CMSS1: variants seen among roughly 807,000 people sequenced by gnomAD.
The protein encoded by CMSS1 is protein CMSS1.
A neutral mutation model predicts 43.5 loss-of-function variants in CMSS1; 33 were observed. The observed-to-expected ratio is 0.76, with a 90% CI of 0.57 to 1.01. The LOEUF (loss-of-function observed/expected upper bound fraction) is 1.01. Among genes scored for constraint, CMSS1 ranks in the 50% least tolerant of loss-of-function variants. The pLI is 0.00. For missense variants in CMSS1, 313 were observed against 326.4 expected (o/e 0.96, Z 0.32); for synonymous variants, 115 against 117.2 (o/e 0.98, Z 0.12).
chr3:99,996,506 T>C (rs1015091368), intron 1 of CMSS1, among the ~76,000 whole-genome samples: 6 of 152,174 alleles, frequency 3.9e-5, no homozygotes, highest in Non-Finnish European at 8.8e-5. Context: ...CATTTTCGGG[T>C]ATCTTTTCAG....
intron 8 of CMSS1, among the ~76,000 whole-genome samples, chr3:100,174,429 C>T (rs944496693): frequency 1.3e-5 from 2 of 151,636 alleles, no homozygotes; most frequent in South Asian, 4.2e-4. Context: ...AGAGAAAAAG[C>T]AAAGCTATCC....
intron 1 of CMSS1, among the ~76,000 whole-genome samples, chr3:99,936,147 A>G (rs1317613405): frequency 6.6e-6 from 1 of 152,094 alleles, no homozygotes; most frequent in Non-Finnish European, 1.5e-5. Context: ...TTTTGCTTGT[A>G]TCAAGTAAGT....
At chr3:99,942,778 G>A (rs1019781292) in intron 1 of CMSS1, among the ~76,000 whole-genome samples, 3 of 151,728 alleles carry the variant, frequency 2.0e-5, no homozygotes, top group Admixed American at 6.6e-5. Flanking sequence ...GCAGTGAGCC[G>A]ACACAGTGCC....
chr3:99,996,264 CT>C (rs1709677544), intron 1 of CMSS1, among the ~76,000 whole-genome samples: 2 of 152,204 alleles, frequency 1.3e-5, no homozygotes, highest in Non-Finnish European at 2.9e-5. Context: ...CTGCCAATCT[CT>C]TTGCTAAAAC....
intron 1 of CMSS1, among the ~76,000 whole-genome samples, chr3:99,852,047 TTTC>T (rs1943722811): frequency 6.6e-6 from 1 of 152,220 alleles, no homozygotes; most frequent in South Asian, 2.1e-4. Context: ...GACATGCTAT[TTTC>T]TTCTTTTATG....
intron 6 of CMSS1, 140 bp downstream of exon 6, chr3:100,167,980 G>A: frequency 7.5e-6 from 4 of 533,634 alleles, no homozygotes; most frequent in South Asian, 6.4e-5. Flanking sequence ...TTTCAGTGGG[G>A]GAGACAGATA....
At chr3:100,056,682 G>C (rs1340474335) in intron 1 of CMSS1, among the ~76,000 whole-genome samples, 1 of 151,484 alleles carries the variant, frequency 6.6e-6, no homozygotes, top group Non-Finnish European at 1.5e-5. Context: ...CACACAACCA[G>C]GTAGCAGCTC....
intron 1 of CMSS1, among the ~76,000 whole-genome samples, chr3:100,032,626 G>T (rs548498416): frequency 6.6e-6 from 1 of 152,014 alleles, no homozygotes; most frequent in South Asian, 2.1e-4. Flanking sequence ...TGACATAAAG[G>T]CTATATTGAC....
chr3:100,000,203 C>A (rs1709803344), intron 1 of CMSS1, among the ~76,000 whole-genome samples: 1 of 152,202 alleles, frequency 6.6e-6, no homozygotes, highest in Non-Finnish European at 1.5e-5. Flanking sequence ...TCCTTCAGGT[C>A]TCTATCTAAT....
chr3:100,168,509 CATA>C (rs1411736865), intron 6 of CMSS1, among the ~76,000 whole-genome samples: 1 of 152,180 alleles, frequency 6.6e-6, no homozygotes, highest in African/African-American at 2.4e-5. Flanking sequence ...GCCTGGGCAA[CATA>C]ATAAGACCCC....
At chr3:100,110,221 C>A (rs915759865) in intron 1 of CMSS1, among the ~76,000 whole-genome samples, 1 of 152,098 alleles carries the variant, frequency 6.6e-6, no homozygotes, top group Non-Finnish European at 1.5e-5. Context: ...GCTCCCTGAT[C>A]AAATGCAAAG....
chr3:100,169,547 A>G (rs1487129421), intron 6 of CMSS1, among the ~76,000 whole-genome samples: 1 of 152,258 alleles, frequency 6.6e-6, no homozygotes, highest in Non-Finnish European at 1.5e-5. Flanking sequence ...ATGAATTTAG[A>G]AAAGTAGTTG....
chr3:100,149,185 T>C (rs2066881061), intron 2 of CMSS1, among the ~76,000 whole-genome samples: 1 of 152,198 alleles, frequency 6.6e-6, no homozygotes, highest in African/African-American at 2.4e-5. Context: ...AGACCTTTTA[T>C]TGAGCAGTTA....
intron 1 of CMSS1, among the ~76,000 whole-genome samples, chr3:99,844,714 C>T (rs1576504194): frequency 6.6e-6 from 1 of 152,278 alleles, no homozygotes; most frequent in South Asian, 2.1e-4. Context: ...TGTGGTTTAG[C>T]TCTGTGTCCT....
At chr3:99,937,658 C>G (rs1425393247) in intron 1 of CMSS1, among the ~76,000 whole-genome samples, 1 of 152,148 alleles carries the variant, frequency 6.6e-6, no homozygotes, top group Admixed American at 6.5e-5. Context: ...ATCCCCATGT[C>G]CTACAGAGTT....
Position 100,078,551 on chromosome 3 carries a change from A to G in CMSS1, c.65-68422A>G, listed in dbSNP as rs182403337. 3.9e-3 allele frequency among the ~76,000 whole-genome samples: 593 copies of G among 152,208 alleles called. 8 individuals carry two copies. Among genetic ancestry groups the G allele is most frequent in the African/African-American group, 0.013 (548 of 41,512 alleles). On this transcript the variant is annotated intron_variant, in intron 1 of 9. Transcript: ENST00000421999. ...CACATTGCAAGAATTGTCTTGGGCC[A>G]CACGTAAAATACACCAACACTAGCG...
chr3:100,002,185 T>C (rs1235369899), intron 1 of CMSS1, among the ~76,000 whole-genome samples: 1 of 152,230 alleles, frequency 6.6e-6, no homozygotes, highest in Non-Finnish European at 1.5e-5. Flanking sequence ...GCTGATGGTG[T>C]TGTACTTAAA....
intron 1 of CMSS1, among the ~76,000 whole-genome samples, chr3:99,974,278 G>A (rs1708904423): frequency 6.6e-6 from 1 of 152,198 alleles, no homozygotes; most frequent in African/African-American, 2.4e-5. Flanking sequence ...TCAAGCACGG[G>A]TTGATTTATT....
chr3:100,014,874 CTTTTTTTTTTTTCTTTCTTTCT>C (rs1710279654), intron 1 of CMSS1, among the ~76,000 whole-genome samples: 2 of 28,210 alleles, frequency 7.1e-5, no homozygotes, highest in South Asian at 1.1e-3. Context: ...TTTTTCTTTT[CTTTTTTTTTTTTCTTTCTTTCT>C]TTTTTTTTTT....
Sources: allele counts gnomAD v4.1 joint callset (sites outside exome capture counted in the v4.1 genomes callset), GRCh38; gene constraint gnomAD v4.1.1; transcripts MANE v1.5; gene names NCBI Gene and HGNC (gene_info 2026-07-23, HGNC 2026-07-21).